CCDC102B: variants seen among roughly 807,000 people sequenced by gnomAD.
The protein encoded by CCDC102B is coiled-coil domain-containing protein 102B.
In CCDC102B, 75 loss-of-function variants were observed where a neutral mutation model predicts 57.4. The observed-to-expected ratio is 1.31, with a 90% CI of 1.08 to 1.58. The LOEUF (loss-of-function observed/expected upper bound fraction) is 1.58. Ranked by LOEUF, CCDC102B falls within the 40% of genes most tolerant of loss-of-function variation. The pLI is 0.00. For missense variants in CCDC102B, 636 were observed against 582.6 expected (o/e 1.09, Z -0.94); for synonymous variants, 206 against 201.9 (o/e 1.02, Z -0.17).
In CCDC102B at chr18:68,988,580, A is replaced by G. The variant is rs543367543; in HGVS notation, c.1264-22354A>G. 3.3e-5 allele frequency among the ~76,000 whole-genome samples: 5 copies of G among 152,256 alleles called. No individual in the cohort carries two copies. In the East Asian group the frequency reaches 9.6e-4, roughly 29 times the overall value. Reference sequence around the variant, plus strand: ...ACAAAAAAAAACAAAAAAAAAGGAAAAAAAAGAATTACTCTGGGTCAGCAA... The same window carrying G: ...ACAAAAAAAAACAAAAAAAAAGGAAGAAAAAGAATTACTCTGGGTCAGCAA... On this transcript the variant is annotated intron_variant, in intron 6 of 7. Transcript: ENST00000360242.
Position 68,838,857 on chromosome 18 carries a change from A to C in CCDC102B, c.758A>C (p.Glu253Ala). The C allele has an allele frequency of 6.2e-7, 1 of 1,614,012 alleles. No homozygotes were observed. The highest frequency in any genetic ancestry group is 8.5e-7 in the Non-Finnish European group (1 of 1,179,944). The change falls in exon 3 of 8, where the codon GAA becomes GCA. Residue 253 changes from glutamate to alanine, a missense_variant. Transcript: ENST00000360242. ...LKAINLPLEN[E>A]VTEISALQVH... is the part of the protein sequence containing the mutation. ...GCAATAAATCTGCCTTTGGAAAATGAAGTAACTGAAATTTCAGCTTTGCAG... is the reference window on the plus strand; with the variant it reads ...GCAATAAATCTGCCTTTGGAAAATGCAGTAACTGAAATTTCAGCTTTGCAG...
At chr18:69,034,921 G>A (rs1206532467) in intron 7 of CCDC102B, among the ~76,000 whole-genome samples, 1 of 151,674 alleles carries the variant, frequency 6.6e-6, no homozygotes, top group Non-Finnish European at 1.5e-5. Flanking sequence ...TCCACTTAGA[G>A]AAAACTATCT....
At chr18:68,898,655 T>G (rs1159982528) in intron 6 of CCDC102B, among the ~76,000 whole-genome samples, 2 of 152,152 alleles carry the variant, frequency 1.3e-5, no homozygotes, top group East Asian at 3.8e-4. Context: ...ATTCGTATTA[T>G]TCTCTGTGTC....
At chr18:68,789,940 T>G (rs1390018843) in intron 2 of CCDC102B, among the ~76,000 whole-genome samples, 4 of 151,838 alleles carry the variant, frequency 2.6e-5, no homozygotes, top group African/African-American at 7.3e-5. Flanking sequence ...TCTGTTCTGT[T>G]TTTTCCCCAT....
At chr18:68,760,702 G>A (rs958341588) in intron 2 of CCDC102B, among the ~76,000 whole-genome samples, 3 of 152,078 alleles carry the variant, frequency 2.0e-5, no homozygotes, top group Admixed American at 2.0e-4. Context: ...GCTGCTTTTA[G>A]TATCGTAACA....
chr18:69,011,630 C>T (rs1568124186), intron 7 of CCDC102B, among the ~76,000 whole-genome samples: 1 of 151,536 alleles, frequency 6.6e-6, no homozygotes, highest in African/African-American at 2.4e-5. Flanking sequence ...CACACAGTTA[C>T]AACTGTGGGG....
intron 6 of CCDC102B, among the ~76,000 whole-genome samples, chr18:68,943,061 G>T (rs55931831): frequency 2.4e-5 from 2 of 84,450 alleles, no homozygotes; most frequent in Admixed American, 1.3e-4. Context: ...AATCCATTAA[G>T]CCTTGAGTCC....
intron 2 of CCDC102B, among the ~76,000 whole-genome samples, chr18:68,719,430 GT>G (rs1186649685): frequency 2.0e-5 from 3 of 152,208 alleles, no homozygotes; most frequent in Non-Finnish European, 1.5e-5. Flanking sequence ...AAAACCACAA[GT>G]TAGTGATGTA....
intron 6 of CCDC102B, chr18:68,993,503 G>A (rs1392409663): frequency 1.3e-5 from 2 of 152,126 alleles, no homozygotes; most frequent in Non-Finnish European, 2.9e-5. Flanking sequence ...TGTTCTTTCT[G>A]TGTATATTTT....
At position 69,054,770 on chromosome 18, in the gene CCDC102B, A is replaced by T. The variant is rs2052787682; in HGVS notation, c.*633A>T. 1.2e-5 allele frequency: 12 copies of T among 985,372 alleles called. No homozygotes were observed. The highest frequency in any genetic ancestry group is 1.4e-5 in the Non-Finnish European group (12 of 829,916). The allele number at this position is 985,372 out of a possible 1,614,324, so 61.0% of individuals were successfully genotyped here. A position where few individuals can be genotyped will look rare whatever the true frequency, so the allele number is the denominator to read the frequency against. ...GACAGGCTGTAAGCATCGCTGAGAA[A>T]CTAAAAGGACTTTTGACTTTTATCT... On this transcript the variant is annotated 3_prime_UTR_variant, in exon 8 of 8. Coordinates refer to ENST00000360242, the MANE Select transcript of CCDC102B (RefSeq NM_024781.3).
At chr18:68,969,123 G>C (rs979258831) in intron 6 of CCDC102B, among the ~76,000 whole-genome samples, 3 of 152,128 alleles carry the variant, frequency 2.0e-5, no homozygotes, top group African/African-American at 7.2e-5. Context: ...CACCCCTAGA[G>C]AGAGCATGCT....
In CCDC102B at chr18:68,894,682, A is replaced by G. The variant is rs372147976; in HGVS notation, c.1054-2537A>G. The stretch of plus-strand genomic sequence containing the variant: ...TACAAAATAAAAACTAAAACTTCTT[A>G]TAATTTTATAAGACTTTTACTTTTT... On this transcript the variant is annotated intron_variant, in intron 5 of 7. Coordinates refer to ENST00000360242, the MANE Select transcript of CCDC102B (RefSeq NM_024781.3). 1.1e-4 allele frequency among the ~76,000 whole-genome samples: 16 copies of G among 151,890 alleles called. No individual in the cohort carries two copies. In the East Asian group the frequency reaches 2.7e-3, roughly 26 times the overall value.
At chr18:69,010,271 A>G (rs1246339635) in intron 6 of CCDC102B, among the ~76,000 whole-genome samples, 1 of 151,836 alleles carries the variant, frequency 6.6e-6, no homozygotes, top group Non-Finnish European at 1.5e-5. Flanking sequence ...TAATGATAGT[A>G]CAATTTATTT....
intron 1 of CCDC102B, among the ~76,000 whole-genome samples, chr18:68,829,970 G>A (rs1014284995): frequency 2.0e-5 from 3 of 151,812 alleles, no homozygotes; most frequent in South Asian, 2.1e-4. Flanking sequence ...TGATACAACC[G>A]TCCTTCTCTT....
At chr18:69,041,611 T>A (rs1203095873) in intron 7 of CCDC102B, among the ~76,000 whole-genome samples, 1 of 152,126 alleles carries the variant, frequency 6.6e-6, no homozygotes, top group Non-Finnish European at 1.5e-5. Flanking sequence ...GGTTGTTACA[T>A]GCCTGGAGTC....
chr18:68,885,054 CTCTA>C (rs1184007752), intron 5 of CCDC102B, among the ~76,000 whole-genome samples: 23 of 151,736 alleles, frequency 1.5e-4, no homozygotes, highest in Non-Finnish European at 5.9e-5. Context: ...ATTAAAAGCC[CTCTA>C]TCTAATATCC....
At chr18:68,792,661 T>C (rs895674212) in intron 2 of CCDC102B, among the ~76,000 whole-genome samples, 3 of 152,196 alleles carry the variant, frequency 2.0e-5, no homozygotes, top group African/African-American at 7.2e-5. Flanking sequence ...ACATCTTTTT[T>C]ACACATACTT....
chr18:68,917,146 A>C (rs567270742), intron 6 of CCDC102B, among the ~76,000 whole-genome samples: 66 of 152,076 alleles, frequency 4.3e-4, no homozygotes, highest in African/African-American at 1.5e-3. Flanking sequence ...TCTTTCTGAG[A>C]AAACTGAATT....
rs746808745 is a variant in CCDC102B at position 68,897,289 on chromosome 18, G to A, written c.1124G>A (p.Gly375Glu). Residue 375 changes from glycine (G) to glutamate (E), a missense_variant, in exon 6 of 8, where the codon GGA becomes GAA. Physicochemically the swap from Gly to Glu is moderately conservative, Grantham distance 98. Transcript: ENST00000360242. ...KREILEREKQ[G>E]LERENRRLKI... ...GAAATACTTGAAAGAGAAAAGCAGG[G>A]ACTGGAGAGAGAAAATAGAAGGCTG... 4.3e-6 allele frequency: 7 copies of A among 1,613,096 alleles called. No homozygotes were observed. The East Asian group carries it at 1.1e-4, about 26-fold the overall frequency.
Sources: allele counts gnomAD v4.1 joint callset (sites outside exome capture counted in the v4.1 genomes callset), GRCh38; gene constraint gnomAD v4.1.1; transcripts MANE v1.5; gene names NCBI Gene and HGNC (gene_info 2026-07-23, HGNC 2026-07-21).